SLC60A2: variants seen among roughly 807,000 people sequenced by gnomAD.
The protein encoded by SLC60A2 is major facilitator superfamily domain containing 4B.
chr6:111,266,987 G>T, the SLC60A2 span: 1 of 1,614,222 alleles, frequency 6.2e-7, no homozygotes, highest in South Asian at 1.1e-5. Flanking sequence ...GAAGTAGTCT[G>T]ACGGAGCCCA....
chr6:111,261,005 A>G, the SLC60A2 span, among the ~76,000 whole-genome samples: 72 of 152,280 alleles, frequency 4.7e-4, no homozygotes, highest in African/African-American at 1.6e-3. Flanking sequence ...GGAAATGTAG[A>G]CTGATTGGAA....
chr6:111,275,431 A>G, the SLC60A2 span, among the ~76,000 whole-genome samples: 1 of 146,222 alleles, frequency 6.8e-6, no homozygotes, highest in Non-Finnish European at 1.5e-5. Context: ...TTTTTTTAAT[A>G]TGGAGTCTTG....
chr6:111,262,199 A>G, the SLC60A2 span: 1 of 1,424,600 alleles, frequency 7.0e-7, no homozygotes. Flanking sequence ...AAACTACCAC[A>G]TAGTTAGACA....
chr6:111,277,722 T>G, the SLC60A2 span, among the ~76,000 whole-genome samples: 3 of 152,236 alleles, frequency 2.0e-5, no homozygotes, highest in Non-Finnish European at 4.4e-5. Flanking sequence ...TGGTGTGTGT[T>G]TTTGTTTGTT....
chr6:111,264,305 G>A, the SLC60A2 span, among the ~76,000 whole-genome samples: 1 of 152,108 alleles, frequency 6.6e-6, no homozygotes, highest in African/African-American at 2.4e-5. Flanking sequence ...GGTTTAATAG[G>A]TTAAACCAAG....
At chr6:111,273,964 C>G in the SLC60A2 span, among the ~76,000 whole-genome samples, 1 of 152,150 alleles carries the variant, frequency 6.6e-6, no homozygotes, top group South Asian at 2.1e-4. Context: ...AAGTGATCTT[C>G]CCACCTTGAC....
At chr6:111,259,807 G>C in the SLC60A2 span, 4 of 1,358,204 alleles carry the variant, frequency 2.9e-6, no homozygotes, top group African/African-American at 5.9e-5. Context: ...CCTTGGGCGC[G>C]TTACCTAATC....
At chr6:111,267,013 A>ATC in the SLC60A2 span, 1 of 1,614,166 alleles carries the variant, frequency 6.2e-7, no homozygotes, top group South Asian at 1.1e-5. Flanking sequence ...GAAGTCTATA[A>ATC]TCAATACCCA....
chr6:111,265,953 T>C, the SLC60A2 span: 1 of 1,614,196 alleles, frequency 6.2e-7, no homozygotes, highest in Non-Finnish European at 8.5e-7. Flanking sequence ...CTCTTTTGCC[T>C]TGGGTGCCTT....
At chr6:111,274,857 A>G in the SLC60A2 span, among the ~76,000 whole-genome samples, 1 of 151,890 alleles carries the variant, frequency 6.6e-6, no homozygotes, top group African/African-American at 2.4e-5. Context: ...TTTTTGTGTT[A>G]TTTTTTAAAA....
At chr6:111,274,018 C>A in the SLC60A2 span, among the ~76,000 whole-genome samples, 2 of 150,526 alleles carry the variant, frequency 1.3e-5, no homozygotes. Context: ...CTGTACCTAG[C>A]CTAATTTTTA....
chr6:111,259,748 A>G, the SLC60A2 span: 1 of 1,565,578 alleles, frequency 6.4e-7, no homozygotes, highest in Non-Finnish European at 8.6e-7. Context: ...GGGCTGCAAC[A>G]CTCCCAGGCC....
the SLC60A2 span, among the ~76,000 whole-genome samples, chr6:111,279,376 G>T: frequency 3.3e-4 from 50 of 151,910 alleles, no homozygotes; most frequent in African/African-American, 1.2e-3. Flanking sequence ...ATTCTCCTGA[G>T]TAGCTGGGAC....
At chr6:111,262,556 G>C in the SLC60A2 span, 2 of 781,462 alleles carry the variant, frequency 2.6e-6, no homozygotes, top group East Asian at 4.9e-5. Context: ...GTCCTCAATG[G>C]CAGTTGAGTT....
the SLC60A2 span, chr6:111,263,919 G>C: frequency 6.2e-7 from 1 of 1,604,526 alleles, no homozygotes; most frequent in Middle Eastern, 1.6e-4. Flanking sequence ...GTCTATCTTC[G>C]GTGTTTCAAT....
At chr6:111,264,998 C>G in the SLC60A2 span, among the ~76,000 whole-genome samples, 1 of 152,080 alleles carries the variant, frequency 6.6e-6, no homozygotes, top group African/African-American at 2.4e-5. Flanking sequence ...GAGGCTGAGG[C>G]TGGAGAATTG....
At chr6:111,266,780 A>T in the SLC60A2 span, 1 of 1,614,090 alleles carries the variant, frequency 6.2e-7, no homozygotes, top group Non-Finnish European at 8.5e-7. Context: ...TGCTATATAA[A>T]TTAGCCACTT....
chr6:111,262,412 T>A, the SLC60A2 span: 1 of 1,612,314 alleles, frequency 6.2e-7, no homozygotes, highest in Non-Finnish European at 8.5e-7. Context: ...TCATGAATTA[T>A]TTTTTACTTT....
the SLC60A2 span, chr6:111,265,147 C>G: frequency 3.2e-6 from 1 of 316,600 alleles, no homozygotes; most frequent in Non-Finnish European, 4.6e-6. Context: ...AGCTTTCTAC[C>G]CCTCCCTTCC....
Sources: gnomAD v4.1 joint callset for allele counts (sites outside exome capture counted in the v4.1 genomes callset) on GRCh38, gnomAD v4.1.1 for gene constraint, MANE v1.5 for transcripts, NCBI Gene and HGNC (gene_info 2026-07-23, HGNC 2026-07-21) for gene names.